THSD4: variants seen among roughly 807,000 people sequenced by gnomAD.
THSD4 encodes thrombospondin type 1 domain containing 4, also known as thrombospondin type-1 domain-containing protein 4.
THSD4 carries 69 observed loss-of-function variants against 119.0 expected under a neutral mutation model. The ratio of observed to expected loss-of-function variants is 0.58; its 90% CI spans 0.48 to 0.71. THSD4 has a LOEUF of 0.71. Among genes scored for constraint, THSD4 ranks in the 30% least tolerant of loss-of-function variants. The probability of loss-of-function intolerance (pLI) is 0.00; values close to 1 mark genes in which losing one functional copy is unlikely to be tolerated. For missense variants in THSD4, 1,393 were observed against 1,391.1 expected, an observed-to-expected ratio of 1.00 and a Z score of -0.02; for synonymous variants, 524 against 540.4, an observed-to-expected ratio of 0.97 and a Z score of 0.42.
At chr15:71,601,519 G>A (rs8029041) in intron 7 of THSD4, among the ~76,000 whole-genome samples, 3,765 of 152,268 alleles carry the variant, frequency 0.025, 159 homozygotes, top group African/African-American at 0.087. Context: ...CCTGTTGGCC[G>A]CTTTATAAAT....
intron 4 of THSD4, among the ~76,000 whole-genome samples, chr15:71,235,310 A>G (rs752565892): frequency 2.6e-5 from 4 of 152,226 alleles, no homozygotes; most frequent in Non-Finnish European, 5.9e-5. Flanking sequence ...TAGCCTTGAT[A>G]TATAGTAACA....
Position 71,737,938 on chromosome 15 carries a change from C to G in THSD4, c.1837C>G (p.Pro613Ala), listed in dbSNP as rs1296583897. ...DNLVPPAPQP[P>A]RRSRDHNWKQ... ...CTTGGTGCCACCAGCACCGCAGCCC[C>G]CACGGCGCAGCCGGGATCACAACTG... Residue 613 changes from proline to alanine, a missense_variant, in exon 11 of 18, where the codon CCA becomes GCA. Transcript: ENST00000261862. 3 of 1,614,192 alleles carry G rather than the reference C, an allele frequency of 1.9e-6. No homozygotes were observed. In the South Asian group the frequency reaches 3.3e-5, roughly 18 times the overall value.
chr15:71,291,539 T>C (rs754978134), intron 6 of THSD4, among the ~76,000 whole-genome samples: 24 of 152,136 alleles, frequency 1.6e-4, no homozygotes, highest in Non-Finnish European at 2.9e-4. Context: ...TCCCTCTTAC[T>C]TGAGGGAGGG....
chr15:71,568,571 T>C (rs1019617393), intron 7 of THSD4, among the ~76,000 whole-genome samples: 3 of 144,948 alleles, frequency 2.1e-5, no homozygotes, highest in Admixed American at 1.4e-4. Context: ...TTTTTCTCTT[T>C]TTTTTTTTTT....
chr15:71,218,317 G>A (rs1168856344), intron 4 of THSD4, among the ~76,000 whole-genome samples: 3 of 152,158 alleles, frequency 2.0e-5, no homozygotes, highest in South Asian at 2.1e-4. Context: ...ATCCTCCTGC[G>A]GGTGCCAACT....
At chr15:71,474,409 G>C (rs968904428) in intron 7 of THSD4, among the ~76,000 whole-genome samples, 2 of 151,914 alleles carry the variant, frequency 1.3e-5, no homozygotes, top group African/African-American at 4.8e-5. Flanking sequence ...TTTTAGTAGA[G>C]GCGGAGTTTC....
chr15:71,695,674 C>A (rs1012451276), intron 8 of THSD4, among the ~76,000 whole-genome samples: 3 of 152,012 alleles, frequency 2.0e-5, no homozygotes, highest in Non-Finnish European at 4.4e-5. Context: ...CCCAACCAAC[C>A]CAGGGAGCCA....
At chr15:71,756,593 G>A (rs1415429621) in intron 14 of THSD4, among the ~76,000 whole-genome samples, 1 of 152,056 alleles carries the variant, frequency 6.6e-6, no homozygotes, top group African/African-American at 2.4e-5. Flanking sequence ...GACCAGCCTG[G>A]GCAACATGGC....
At chr15:71,306,482 C>T (rs2045032225) in intron 6 of THSD4, among the ~76,000 whole-genome samples, 2 of 152,128 alleles carry the variant, frequency 1.3e-5, no homozygotes, top group African/African-American at 2.4e-5. Context: ...TCAGTACACT[C>T]TCTGCTTCTC....
At chr15:71,746,245 A>C (rs1050188011) in intron 12 of THSD4, among the ~76,000 whole-genome samples, 4 of 151,460 alleles carry the variant, frequency 2.6e-5, no homozygotes, top group Non-Finnish European at 5.9e-5. Context: ...TTTTTTTTTA[A>C]TTAGATAAAA....
chr15:71,174,002 A>G (rs1400078638), intron 3 of THSD4, among the ~76,000 whole-genome samples: 2 of 152,224 alleles, frequency 1.3e-5, no homozygotes, highest in South Asian at 4.1e-4. Flanking sequence ...AATGTAGAGC[A>G]AAATCTTCAT....
rs148532451 is a variant in THSD4, at chr15:71,346,232, A to G, written c.1016-65455A>G. ...ACCATTATTAGGTAGCATGGCCCTC[A>G]GTTTGGGTTTGTGCAGTGTTTCCTC... On this transcript the variant is annotated intron_variant, in intron 6 of 17. Coordinates refer to ENST00000261862, the MANE Select transcript of THSD4 (RefSeq NM_024817.3). Among the ~76,000 whole-genome samples the G allele has an allele frequency of 3.9e-3, 595 of 152,332 alleles. 2 individuals carry two copies. Among genetic ancestry groups the G allele is most frequent in the Non-Finnish European group, 5.1e-3 (349 of 68,046 alleles).
intron 6 of THSD4, among the ~76,000 whole-genome samples, chr15:71,293,019 A>G (rs1288317249): frequency 6.6e-6 from 1 of 152,148 alleles, no homozygotes; most frequent in East Asian, 1.9e-4. Context: ...TTCCCTGCCT[A>G]TCCCCTCACC....
At chr15:71,155,190 T>A (rs1731442321) in intron 3 of THSD4, among the ~76,000 whole-genome samples, 1 of 152,238 alleles carries the variant, frequency 6.6e-6, no homozygotes, top group African/African-American at 2.4e-5. Flanking sequence ...GTCATCTGCG[T>A]GGCTTCTGTG....
chr15:71,405,206 A>G (rs952430886), intron 6 of THSD4, among the ~76,000 whole-genome samples: 19 of 152,220 alleles, frequency 1.2e-4, no homozygotes, highest in African/African-American at 4.6e-4. Flanking sequence ...TTGTTTATAA[A>G]TGACATAATC....
rs578042958 is a variant in THSD4 at position 71,762,189 on chromosome 15, A to T, written c.2590-2831A>T. Among the ~76,000 whole-genome samples, 8 of 152,294 alleles carry T rather than the reference A, an allele frequency of 5.3e-5. No homozygotes were observed. In the East Asian group the frequency reaches 1.5e-3, roughly 29 times the overall value. On this transcript the variant is annotated intron_variant, in intron 15 of 17. Coordinates refer to ENST00000261862, the MANE Select transcript of THSD4 (RefSeq NM_024817.3). ...CACACACACACACACAGAGATAGAG[A>T]TACACACACATGAACACATTCATTC... is the stretch of plus-strand genomic sequence containing the variant.
At chr15:71,728,522 A>G in intron 8 of THSD4, 27 bp from the exon 9 acceptor site, 1 of 1,611,510 alleles carries the variant, frequency 6.2e-7, no homozygotes, top group Non-Finnish European at 8.5e-7. Flanking sequence ...GGGCTTACCC[A>G]AAGAACTGTC....
chr15:71,423,401 C>T (rs2046832793), intron 7 of THSD4, among the ~76,000 whole-genome samples: 1 of 152,132 alleles, frequency 6.6e-6, no homozygotes, highest in South Asian at 2.1e-4. Flanking sequence ...GCTCTTTAGT[C>T]AGCAGGTGAT....
chr15:71,481,894 A>G (rs1405096868), intron 7 of THSD4, among the ~76,000 whole-genome samples: 2 of 152,206 alleles, frequency 1.3e-5, no homozygotes, highest in African/African-American at 2.4e-5. Context: ...GGGATTCTTT[A>G]TGTGTTTCCA....
Sources: allele counts gnomAD v4.1 joint callset (sites outside exome capture counted in the v4.1 genomes callset), GRCh38; gene constraint gnomAD v4.1.1; transcripts MANE v1.5; gene names NCBI Gene and HGNC (gene_info 2026-07-23, HGNC 2026-07-21).